The following GFRA3 variants were observed in gnomAD, a reference collection of about 807,000 sequenced individuals.
The protein encoded by GFRA3 is GDNF family receptor alpha 3, also known as GDNF family receptor alpha-3.
GFRA3 carries 24 observed loss-of-function variants against 40.0 expected under a neutral mutation model. The observed-to-expected ratio is 0.60, with a 90% confidence interval of 0.43 to 0.84. The LOEUF (loss-of-function observed/expected upper bound fraction) is 0.84, where lower values mean the gene tolerates loss of function less well. Among genes scored for constraint, GFRA3 ranks in the 40% least tolerant of loss-of-function variants. The pLI is 0.00. For synonymous variants in GFRA3, 203 were observed against 213.5 expected (o/e 0.95, Z 0.43); for missense variants, 405 against 530.6 (o/e 0.76, Z 2.33).
At chr5:138,256,049 G>A (rs553606965) in intron 4 of GFRA3, among the ~76,000 whole-genome samples, 5 of 151,220 alleles carry the variant, frequency 3.3e-5, no homozygotes, top group Admixed American at 6.6e-5. Flanking sequence ...CCAACACAGC[G>A]AAATCCCATC....
intron 7 of GFRA3, 45 bp downstream of exon 7, chr5:138,253,242 G>T: frequency 7.6e-7 from 1 of 1,321,464 alleles, no homozygotes; most frequent in Non-Finnish European, 1.1e-6. Context: ...GTTTTCCCCA[G>T]CCGGCCCAGT....
intron 2 of GFRA3, among the ~76,000 whole-genome samples, chr5:138,263,696 A>C (rs1755742488): frequency 1.3e-5 from 2 of 152,228 alleles, no homozygotes; most frequent in Non-Finnish European, 2.9e-5. Flanking sequence ...AATACAGAAC[A>C]TGAGCAAGAA....
chr5:138,273,285 A>G (rs1312618912), intron 1 of GFRA3, among the ~76,000 whole-genome samples: 1 of 152,186 alleles, frequency 6.6e-6, no homozygotes, highest in East Asian at 1.9e-4. Flanking sequence ...TGGATTTTCA[A>G]TGAGGCTACT....
chr5:138,260,813 A>G (rs1463732611), intron 2 of GFRA3, among the ~76,000 whole-genome samples: 1 of 150,884 alleles, frequency 6.6e-6, no homozygotes, highest in East Asian at 1.9e-4. Flanking sequence ...ATATTCCTTG[A>G]ACCTAGGAAC....
At chr5:138,258,377 T>G (rs1017424290) in intron 3 of GFRA3, among the ~76,000 whole-genome samples, 1 of 151,900 alleles carries the variant, frequency 6.6e-6, no homozygotes, top group African/African-American at 2.4e-5. Flanking sequence ...AAATGGGGTT[T>G]CATCATGTTA....
In GFRA3 at chr5:138,274,360, G is replaced by GGCAGCA; in HGVS notation, c.59_64dup (p.Leu20_Leu21dup). On this transcript the variant is annotated inframe_insertion, in exon 1 of 8. Coordinates refer to ENST00000274721, the MANE Select transcript of GFRA3 (RefSeq NM_001496.4). ...GGCTGCGAGAGGCAGCGGCGACGGC[G>GGCAGCA]GCAGCAGCAGCAGCAACATCAGGAC... The GGCAGCA allele has an allele frequency of 4.5e-6, 6 of 1,334,894 alleles. No individual in the cohort carries two copies. The highest frequency in any genetic ancestry group is 5.8e-6 in the Non-Finnish European group (6 of 1,038,508). 82.7% of individuals were successfully genotyped at this position (1,334,894 alleles called of 1,614,324 possible).
At position 138,254,161 on chromosome 5, in the gene GFRA3, C is replaced by G. The variant is rs766667458; in HGVS notation, c.786-1G>C. The G allele has an allele frequency of 2.0e-6, 3 of 1,517,006 alleles. No individual in the cohort carries two copies. The highest frequency in any genetic ancestry group is 2.8e-5 in the African/African-American group (2 of 72,408). 94.0% of individuals were successfully genotyped at this position (1,517,006 alleles called of 1,614,324 possible). On this transcript the variant is annotated splice_acceptor_variant, in intron 4 of 7. Transcript: ENST00000274721. LOFTEE classifies it high-confidence loss of function. Reference sequence around the variant, plus strand: ...GGTCTGGAAATCCACCAGGCGTGATCTGGAAGAAGGGAAATTTCTGTCTTT... The same window carrying G: ...GGTCTGGAAATCCACCAGGCGTGATGTGGAAGAAGGGAAATTTCTGTCTTT...
chr5:138,263,950 C>T (rs1755745256), intron 2 of GFRA3, among the ~76,000 whole-genome samples: 1 of 152,176 alleles, frequency 6.6e-6, no homozygotes, highest in Admixed American at 6.5e-5. Flanking sequence ...AGACTTTTTT[C>T]TCCCATCTCC....
At chr5:138,262,799 C>T (rs1483435364) in intron 2 of GFRA3, among the ~76,000 whole-genome samples, 2 of 151,944 alleles carry the variant, frequency 1.3e-5, no homozygotes, top group African/African-American at 4.8e-5. Flanking sequence ...GTTATCCTGA[C>T]CCTGTTCCGT....
chr5:138,271,897 T>TG (rs1554111187), intron 1 of GFRA3, among the ~76,000 whole-genome samples: 8 of 105,326 alleles, frequency 7.6e-5, no homozygotes, highest in East Asian at 5.4e-4. Flanking sequence ...TTTCTGTTTT[T>TG]TTTTTTTTTT....
chr5:138,255,597 A>G (rs997247307), intron 4 of GFRA3, among the ~76,000 whole-genome samples: 8 of 152,172 alleles, frequency 5.3e-5, no homozygotes, highest in Non-Finnish European at 1.5e-5. Context: ...TTAGTGCACA[A>G]AGATTAAAGA....
chr5:138,270,435 A>G (rs901651217), intron 1 of GFRA3, among the ~76,000 whole-genome samples: 14 of 152,068 alleles, frequency 9.2e-5, no homozygotes, highest in Admixed American at 3.3e-4. Context: ...ATTGGAGACT[A>G]TTATTCTAAG....
At chr5:138,273,695 C>T (rs1474795927) in intron 1 of GFRA3, among the ~76,000 whole-genome samples, 5 of 152,180 alleles carry the variant, frequency 3.3e-5, no homozygotes, top group African/African-American at 9.7e-5. Context: ...GGCCATGGGC[C>T]TTCCAGGGAT....
chr5:138,268,731 A>T (rs1372441152), intron 1 of GFRA3, among the ~76,000 whole-genome samples: 2 of 152,076 alleles, frequency 1.3e-5, no homozygotes. Context: ...TCTATTAAAA[A>T]TACAGAAAAT....
At chr5:138,274,217 C>T (rs1232653121) in intron 1 of GFRA3, 117 bp downstream of exon 1, 6 of 1,258,798 alleles carry the variant, frequency 4.8e-6, no homozygotes, top group Non-Finnish European at 6.1e-6. Context: ...TCCCCTTGTT[C>T]GGCTCGGATG....
chr5:138,273,684 A>G (rs1027580792), intron 1 of GFRA3, among the ~76,000 whole-genome samples: 7 of 152,080 alleles, frequency 4.6e-5, no homozygotes, highest in African/African-American at 1.7e-4. Context: ...CCACTCACGA[A>G]GGCCATGGGC....
chr5:138,264,124 C>A, intron 2 of GFRA3, 137 bp downstream of exon 2: 1 of 732,668 alleles, frequency 1.4e-6, no homozygotes, highest in Non-Finnish European at 2.2e-6. Context: ...ATCCCTCCAC[C>A]TTTCCTGATG....
Position 138,257,315 on chromosome 5 carries a change from A to G in GFRA3, c.785+324T>C, listed in dbSNP as rs184629016. ...AGTAAGACACAAATACATTCTCAGA[A>G]TGTCTACTTTTGTTATCTGGATAGA... On this transcript the variant is annotated intron_variant, in intron 4 of 7. Coordinates refer to ENST00000274721, the MANE Select transcript of GFRA3 (RefSeq NM_001496.4). Among the ~76,000 whole-genome samples the G allele has an allele frequency of 1.1e-3, 174 of 152,354 alleles. 1 individual carries two copies. The highest frequency in any genetic ancestry group is 3.8e-3 in the African/African-American group (157 of 41,586).
Position 138,252,718 on chromosome 5 carries a change from A to G in GFRA3, c.*250T>C. 2.6e-6 allele frequency: 1 copy of G among 385,682 alleles called. No homozygotes were observed. The highest frequency in any genetic ancestry group is 4.7e-6 in the Non-Finnish European group (1 of 210,946). 23.9% of individuals were successfully genotyped at this position (385,682 alleles called of 1,614,324 possible). On this transcript the variant is annotated 3_prime_UTR_variant, in exon 8 of 8. Transcript: ENST00000274721. ...AAGGGCTCAGAAAGGGGCTTGGTGG[A>G]GCTGGTCACCACCAGATGACATGGC... is the stretch of plus-strand genomic sequence containing the variant.
Sources: allele counts gnomAD v4.1 joint callset (sites outside exome capture counted in the v4.1 genomes callset), GRCh38; gene constraint gnomAD v4.1.1; transcripts MANE v1.5; gene names NCBI Gene and HGNC (gene_info 2026-07-23, HGNC 2026-07-21).